The following EYA1 variants were observed in gnomAD, a reference collection of about 807,000 sequenced individuals.
The protein encoded by EYA1 is protein phosphatase EYA1.
In EYA1, 16 loss-of-function variants were observed where a neutral mutation model predicts 82.0. That is an observed-to-expected ratio of 0.20 (90% confidence interval 0.13 to 0.30). The LOEUF (loss-of-function observed/expected upper bound fraction) is 0.30. EYA1 is among the 10% of genes least tolerant of loss of function. EYA1 has a pLI of 1.00. For synonymous variants in EYA1, 261 were observed against 264.4 expected, an observed-to-expected ratio of 0.99 and a Z score of 0.12; for missense variants, 633 against 730.7, an observed-to-expected ratio of 0.87 and a Z score of 1.54.
At chr8:71,478,713 A>G (rs983552690) in intron 2 of EYA1, among the ~76,000 whole-genome samples, 1 of 152,164 alleles carries the variant, frequency 6.6e-6, no homozygotes, top group Non-Finnish European at 1.5e-5. Context: ...GGCCCTTAGC[A>G]TGCTCACAAT....
intron 2 of EYA1, among the ~76,000 whole-genome samples, chr8:71,387,357 A>C (rs932924400): frequency 2.0e-5 from 3 of 152,154 alleles, no homozygotes; most frequent in African/African-American, 7.2e-5. Flanking sequence ...TTAAGAGGAG[A>C]AGTAACATGG....
intron 2 of EYA1, among the ~76,000 whole-genome samples, chr8:71,401,649 CT>C (rs1408007745): frequency 6.6e-6 from 1 of 152,130 alleles, no homozygotes; most frequent in Non-Finnish European, 1.5e-5. Flanking sequence ...TCTCCATTGC[CT>C]CAGTTTCTTC....
intron 2 of EYA1, among the ~76,000 whole-genome samples, chr8:71,485,623 T>G (rs570444046): frequency 6.6e-6 from 1 of 152,380 alleles, no homozygotes; most frequent in South Asian, 2.1e-4. Context: ...CCCAAATTCT[T>G]ACTTACCTCT....
At chr8:71,539,290 C>A (rs557742323) in intron 1 of EYA1, among the ~76,000 whole-genome samples, 2 of 152,264 alleles carry the variant, frequency 1.3e-5, no homozygotes, top group Non-Finnish European at 2.9e-5. Flanking sequence ...TTAATGATAG[C>A]CTGACTCTCC....
intron 2 of EYA1, among the ~76,000 whole-genome samples, chr8:71,484,543 C>A (rs149624570): frequency 3.3e-5 from 5 of 152,278 alleles, no homozygotes; most frequent in Admixed American, 3.3e-4. Flanking sequence ...AGGTTGAAAC[C>A]TCTTGAGGGT....
At chr8:71,511,849 G>A (rs183087235) in intron 2 of EYA1, among the ~76,000 whole-genome samples, 1 of 152,262 alleles carries the variant, frequency 6.6e-6, no homozygotes, top group East Asian at 1.9e-4. Context: ...AAGGAGCAAA[G>A]CAGGAAGGGG....
chr8:71,260,547 C>T (rs1287874625), intron 11 of EYA1, among the ~76,000 whole-genome samples: 1 of 152,150 alleles, frequency 6.6e-6, no homozygotes, highest in Non-Finnish European at 1.5e-5. Context: ...AATATATTAT[C>T]TTTAAAAAAG....
chr8:71,365,170 A>C (rs976869848), upstream of EYA1, among the ~76,000 whole-genome samples: 2 of 151,686 alleles, frequency 1.3e-5, no homozygotes, highest in Non-Finnish European at 2.9e-5. Flanking sequence ...TAATCAAATT[A>C]AGTATAACAA....
chr8:71,419,183 A>G (rs905895986), intron 2 of EYA1, among the ~76,000 whole-genome samples: 3 of 152,194 alleles, frequency 2.0e-5, no homozygotes, highest in African/African-American at 4.8e-5. Flanking sequence ...CACCATTGCT[A>G]CTGTGCAGAA....
intron 2 of EYA1, among the ~76,000 whole-genome samples, chr8:71,505,689 C>A (rs915456446): frequency 6.6e-6 from 1 of 152,136 alleles, no homozygotes; most frequent in Admixed American, 6.5e-5. Flanking sequence ...CCTGCTCATT[C>A]CAGAAATATT....
chr8:71,302,115 T>C (rs966543992), intron 7 of EYA1, among the ~76,000 whole-genome samples: 1 of 152,202 alleles, frequency 6.6e-6, no homozygotes, highest in African/African-American at 2.4e-5. Context: ...TCAGCTATTA[T>C]ATGCATTTTA....
chr8:71,360,890 A>T (rs917002443), intron 1 of EYA1, among the ~76,000 whole-genome samples: 4 of 152,130 alleles, frequency 2.6e-5, no homozygotes, highest in South Asian at 2.1e-4. Flanking sequence ...TGTGTTCAAA[A>T]CCTCCTCCCA....
intron 7 of EYA1, among the ~76,000 whole-genome samples, chr8:71,314,204 T>C (rs1189067076): frequency 3.3e-5 from 5 of 152,134 alleles, no homozygotes; most frequent in African/African-American, 1.2e-4. Context: ...GAAATTGCTA[T>C]ATTAAAAAAC....
intron 2 of EYA1, among the ~76,000 whole-genome samples, chr8:71,479,953 G>T (rs1810000190): frequency 1.3e-5 from 2 of 152,108 alleles, no homozygotes; most frequent in Non-Finnish European, 2.9e-5. Context: ...CAATGAGCTG[G>T]AAGAGAGACC....
intron 2 of EYA1, among the ~76,000 whole-genome samples, chr8:71,517,344 A>T (rs1813045078): frequency 6.6e-6 from 1 of 152,042 alleles, no homozygotes; most frequent in South Asian, 2.1e-4. Context: ...TAAACATATC[A>T]TGATGAATTC....
intron 11 of EYA1, among the ~76,000 whole-genome samples, 173 bp from the exon 12 acceptor site, chr8:71,244,865 C>G (rs1585968725): frequency 6.6e-6 from 1 of 152,162 alleles, no homozygotes; most frequent in Non-Finnish European, 1.5e-5. Flanking sequence ...GTGCAAACTT[C>G]AGGGACTTAT....
At chr8:71,276,283 GT>G in intron 9 of EYA1, among the ~76,000 whole-genome samples, 1 of 152,160 alleles carries the variant, frequency 6.6e-6, no homozygotes, top group East Asian at 1.9e-4. Flanking sequence ...GTGCACTGGA[GT>G]TTCTTCCATG....
chr8:71,221,765 G>A (rs1809948810), intron 12 of EYA1, among the ~76,000 whole-genome samples: 1 of 152,142 alleles, frequency 6.6e-6, no homozygotes. Flanking sequence ...TGCACTAAAT[G>A]TTAACTGAAT....
intron 2 of EYA1, among the ~76,000 whole-genome samples, chr8:71,355,847 T>C (rs1826816825): frequency 6.6e-6 from 1 of 152,194 alleles, no homozygotes; most frequent in African/African-American, 2.4e-5. Flanking sequence ...TAATACCCTA[T>C]TAGTGAAGAG....
Sources: gnomAD v4.1 joint callset for allele counts (sites outside exome capture counted in the v4.1 genomes callset) on GRCh38, gnomAD v4.1.1 for gene constraint, MANE v1.5 for transcripts, NCBI Gene and HGNC (gene_info 2026-07-23, HGNC 2026-07-21) for gene names.